ATAD3B: variants seen among roughly 807,000 people sequenced by gnomAD.
The protein encoded by ATAD3B is ATPase family AAA domain-containing protein 3B.
Under a neutral mutation model 70.2 loss-of-function variants are expected in ATAD3B, and 59 were observed. That is an observed-to-expected ratio of 0.84 (90% CI 0.68 to 1.04). ATAD3B has a LOEUF of 1.04. ATAD3B is among the 50% of genes least tolerant of loss of function. The pLI is 0.00. For synonymous variants in ATAD3B, 423 were observed against 388.6 expected, an observed-to-expected ratio of 1.09 and a Z score of -1.04; for missense variants, 961 against 913.4, an observed-to-expected ratio of 1.05 and a Z score of -0.67.
At chr1:1,505,722 T>A in the ATAD3B span, among the ~76,000 whole-genome samples, 6 of 152,110 alleles carry the variant, frequency 3.9e-5, no homozygotes, top group Non-Finnish European at 5.9e-5. Flanking sequence ...CTATGTCCCT[T>A]CAGCTCCTAT....
chr1:1,490,007 T>C, intron 13 of ATAD3B: 1 of 1,347,692 alleles, frequency 7.4e-7, no homozygotes, highest in Non-Finnish European at 9.6e-7. Flanking sequence ...TGGGCGAGGG[T>C]CAGCGGGGAA....
chr1:1,489,102 A>G (rs1281185671), intron 12 of ATAD3B, 102 bp from the exon 13 acceptor site: 5 of 1,578,480 alleles, frequency 3.2e-6, no homozygotes, highest in Non-Finnish European at 4.3e-6. Context: ...AAGTGTCGCC[A>G]CGTCCCTGCT....
At chr1:1,488,017 C>G in intron 12 of ATAD3B, 103 bp downstream of exon 12, 1 of 1,499,982 alleles carries the variant, frequency 6.7e-7, no homozygotes, top group Non-Finnish European at 9.3e-7. Flanking sequence ...TGCAGTGGCG[C>G]AATCTTGGCT....
intron 8 of ATAD3B, among the ~76,000 whole-genome samples, chr1:1,485,421 G>T (rs573556080): frequency 1.3e-5 from 2 of 152,156 alleles, no homozygotes; most frequent in East Asian, 3.9e-4. Flanking sequence ...GCACATCGGG[G>T]TCCTTGCAAG....
downstream of ATAD3B, among the ~76,000 whole-genome samples, chr1:1,499,045 C>T (rs1640881475): frequency 6.6e-6 from 1 of 151,130 alleles, no homozygotes; most frequent in Non-Finnish European, 1.5e-5. Context: ...GATCTCAGCT[C>T]ACTGCAAGCT....
At chr1:1,498,657 C>T (rs1309605297), downstream of ATAD3B, among the ~76,000 whole-genome samples, 1 of 151,600 alleles carries the variant, frequency 6.6e-6, no homozygotes. Context: ...ATCCTCCTGC[C>T]TCGGCCTCCC....
In ATAD3B at chr1:1,478,965, G is replaced by A. The variant is rs865833987; in HGVS notation, c.385-84G>A. ...CACGTTTGTGTGAGGCTGATGGCGC[G>A]TCGGAGTCCCCGGCGCTCCGCCCAG... is the stretch of plus-strand genomic sequence containing the variant. On this transcript the variant is annotated intron_variant, in intron 3 of 15. Transcript: ENST00000673477. 52 of 727,716 alleles carry A rather than the reference G, an allele frequency of 7.1e-5. No homozygotes were observed. In the Middle Eastern group the frequency reaches 1.9e-3, roughly 27 times the overall value. The allele number at this position is 727,716 out of a possible 1,614,324, so 45.1% of individuals were successfully genotyped here.
intron 1 of ATAD3B, among the ~76,000 whole-genome samples, chr1:1,472,353 G>A (rs1639375453): frequency 6.6e-6 from 1 of 151,988 alleles, no homozygotes; most frequent in African/African-American, 2.4e-5. Context: ...ACAGGGGTCA[G>A]GGTCTGGGGC....
intron 1 of ATAD3B, among the ~76,000 whole-genome samples, chr1:1,474,147 GGA>G (rs1185688845): frequency 6.6e-6 from 1 of 151,942 alleles, no homozygotes; most frequent in Non-Finnish European, 1.5e-5. Flanking sequence ...AGCCTCCTGA[GGA>G]GAGGGGACTG....
At chr1:1,494,320 G>A (rs1240905044) in intron 15 of ATAD3B, among the ~76,000 whole-genome samples, 1 of 151,972 alleles carries the variant, frequency 6.6e-6, no homozygotes, top group Non-Finnish European at 1.5e-5. Context: ...TGGGTGACGT[G>A]CAGCCACTCG....
In ATAD3B at chr1:1,495,782, C is replaced by T. The variant is rs752824611; in HGVS notation, c.1912C>T (p.Arg638Trp). The change falls in exon 16 of 16, where the codon CGG (arginine) becomes TGG (tryptophan). Residue 638 changes from arginine (R) to tryptophan (W), a missense_variant. Transcript: ENST00000673477. The stretch of plus-strand genomic sequence containing the variant: ...CCCCAGGATGTCTTGTGGTGGCGGT[C>T]GGCCGTTCTGCCCCCCAGGGCACCC... ...LSPRMSCGGG[R>W]PFCPPGHPLL is the part of the protein sequence containing the mutation. 27 of 1,601,972 alleles carry T rather than the reference C, an allele frequency of 1.7e-5. No homozygotes were observed. Among genetic ancestry groups the T allele is most frequent in the South Asian group, 1.6e-4 (14 of 89,946 alleles).
At chr1:1,485,437 G>C (rs1010627043) in intron 8 of ATAD3B, among the ~76,000 whole-genome samples, 1 of 152,084 alleles carries the variant, frequency 6.6e-6, no homozygotes, top group Non-Finnish European at 1.5e-5. Context: ...GCAAGACCCG[G>C]GACTTGGGTG....
chr1:1,478,751 AGCGCAAGAGGCC>A lies in ATAD3B; in HGVS notation c.384+10_384+21del. 1 of 1,510,500 alleles carries A rather than the reference AGCGCAAGAGGCC, an allele frequency of 6.6e-7. No homozygotes were observed. Among genetic ancestry groups the A allele is most frequent in the Non-Finnish European group, 8.9e-7 (1 of 1,123,584 alleles). 93.6% of individuals were successfully genotyped at this position (1,510,500 alleles called of 1,614,324 possible). On this transcript the variant is annotated splice_region_variant and intron_variant, in intron 3 of 15. Transcript: ENST00000673477. ...AGACCCGGCAGCACCAGGCCGTAAG[AGCGCAAGAGGCC>A]GCGAGGGAGGCCGCCCGGCTGCGGG...
At chr1:1,476,850 C>T (rs1044451802) in intron 1 of ATAD3B, among the ~76,000 whole-genome samples, 20 of 151,618 alleles carry the variant, frequency 1.3e-4, no homozygotes, top group African/African-American at 3.4e-4. Context: ...TCTGTTGCCC[C>T]GGCTGGAGTG....
At chr1:1,476,717 C>T (rs1639609049) in intron 1 of ATAD3B, among the ~76,000 whole-genome samples, 3 of 151,850 alleles carry the variant, frequency 2.0e-5, no homozygotes, top group African/African-American at 7.3e-5. Context: ...ACTGTGTTAA[C>T]CAGGATGGTC....
intron 4 of ATAD3B, among the ~76,000 whole-genome samples, chr1:1,480,048 C>A (rs1264620637): frequency 6.8e-6 from 1 of 146,266 alleles, no homozygotes; most frequent in Admixed American, 6.9e-5. Flanking sequence ...CACCCCCTTG[C>A]ACAGACGGGC....
At chr1:1,493,377 C>T (rs955655610) in intron 15 of ATAD3B, among the ~76,000 whole-genome samples, 13 of 151,890 alleles carry the variant, frequency 8.6e-5, no homozygotes, top group Non-Finnish European at 1.0e-4. Flanking sequence ...GACTTGTGAT[C>T]GCTGGCCTTC....
chr1:1,474,264 C>G (rs1033646212), intron 1 of ATAD3B, among the ~76,000 whole-genome samples: 1 of 150,684 alleles, frequency 6.6e-6, no homozygotes, highest in African/African-American at 2.5e-5. Context: ...GATCACGGCT[C>G]ACTGCAAGCT....
At chr1:1,479,409 C>T (rs887599059) in intron 4 of ATAD3B, among the ~76,000 whole-genome samples, 1 of 145,596 alleles carries the variant, frequency 6.9e-6, no homozygotes, top group African/African-American at 2.6e-5. Context: ...CACACACACC[C>T]CTGCACACAC....
Sources: allele counts gnomAD v4.1 joint callset (sites outside exome capture counted in the v4.1 genomes callset), GRCh38; gene constraint gnomAD v4.1.1; transcripts MANE v1.5; gene names NCBI Gene and HGNC (gene_info 2026-07-23, HGNC 2026-07-21).